The following SIDT1 variants were observed in gnomAD, a reference collection of about 807,000 sequenced individuals.
SIDT1 encodes the protein SID1 transmembrane family member 1, also known as SID1 transmembrane family, member 1.
Under a neutral mutation model 107.5 loss-of-function variants are expected in SIDT1, and 101 were observed. The ratio of observed to expected loss-of-function variants is 0.94; its 90% confidence interval spans 0.80 to 1.11. The LOEUF (loss-of-function observed/expected upper bound fraction) is 1.11, where lower values mean the gene tolerates loss of function less well. Ranked by LOEUF, SIDT1 falls within the 50% of genes least tolerant of loss-of-function variation. The pLI, the probability that SIDT1 is intolerant of heterozygous loss-of-function variation, is 0.00. For synonymous variants in SIDT1, 395 were observed against 398.2 expected (o/e 0.99, Z 0.10); for missense variants, 1,076 against 1,058.2 (o/e 1.02, Z -0.23).
intron 9 of SIDT1, among the ~76,000 whole-genome samples, chr3:113,588,364 TTAAC>T (rs1437290068): frequency 4.6e-5 from 7 of 152,344 alleles, no homozygotes; most frequent in Non-Finnish European, 7.3e-5. Flanking sequence ...TTTTCCTTCA[TTAAC>T]TAAGCAAAAT....
At chr3:113,603,206 T>C (rs1704067734) in intron 12 of SIDT1, 56 bp downstream of exon 12, 1 of 1,542,112 alleles carries the variant, frequency 6.5e-7, no homozygotes. Context: ...GGCAGTAGAA[T>C]AAACTTCAGC....
Position 113,623,450 on chromosome 3 carries a change from G to T in SIDT1, c.2114G>T (p.Arg705Leu). 2.5e-6 allele frequency: 4 copies of T among 1,613,822 alleles called. No individual in the cohort carries two copies. The highest frequency in any genetic ancestry group is 1.6e-4 in the Middle Eastern group (1 of 6,062). ...AGCGCCCTCTTTGGATTGATATACC[G>T]CCCCAGGGACTTTGCTTCCTACATG... ...WSFALFGLIY[R>L]PRDFASYMLG... Residue 705 changes from arginine (R) to leucine (L), a missense_variant, in exon 22 of 25, where the codon CGC becomes CTC. By Grantham distance (102) the Arg-to-Leu change is moderately radical (BLOSUM62 -2). Coordinates refer to ENST00000264852, the MANE Select transcript of SIDT1 (RefSeq NM_017699.3).
At position 113,541,143 on chromosome 3, in the gene SIDT1, T is replaced by TAC. The variant is rs34408872; in HGVS notation, c.222+7922_222+7923dup. Among the ~76,000 whole-genome samples, 759 of 147,744 alleles carry TAC rather than the reference T, an allele frequency of 5.1e-3. 12 individuals are homozygous for TAC. In the East Asian group the frequency reaches 0.058, roughly 11 times the overall value. On this transcript the variant is annotated intron_variant, in intron 1 of 24. Coordinates refer to ENST00000264852, the MANE Select transcript of SIDT1 (RefSeq NM_017699.3). Reference sequence around the variant, plus strand: ...ATATATATATATATATACACACACATACACACACACACACACACACACATA... The same window carrying TAC: ...ATATATATATATATATACACACACATACACACACACACACACACACACACATA...
chr3:113,540,803 T>G (rs1307637140), intron 1 of SIDT1, among the ~76,000 whole-genome samples: 1 of 152,158 alleles, frequency 6.6e-6, no homozygotes, highest in African/African-American at 2.4e-5. Flanking sequence ...TCTAATGGTT[T>G]CCTTTGTACT....
chr3:113,576,686 A>G (rs1942928117), intron 3 of SIDT1, among the ~76,000 whole-genome samples: 1 of 152,196 alleles, frequency 6.6e-6, no homozygotes, highest in Non-Finnish European at 1.5e-5. Flanking sequence ...GGATATTTAA[A>G]GATATAAAAA....
intron 1 of SIDT1, among the ~76,000 whole-genome samples, chr3:113,553,016 A>G (rs1940445490): frequency 6.6e-6 from 1 of 152,214 alleles, no homozygotes. Context: ...AGACATAGGC[A>G]GGAACCAAGA....
chr3:113,552,071 G>T (rs1489352198), intron 1 of SIDT1, among the ~76,000 whole-genome samples: 2 of 152,126 alleles, frequency 1.3e-5, no homozygotes, highest in African/African-American at 2.4e-5. Context: ...CTGCCCTTTT[G>T]TGAACAACGT....
intron 23 of SIDT1, 36 bp from the exon 24 acceptor site, chr3:113,626,066 G>A (rs1386750500): frequency 7.2e-7 from 1 of 1,387,100 alleles, no homozygotes; most frequent in African/African-American, 1.4e-5. Flanking sequence ...TTGAACTGTG[G>A]GAATCTTGCC....
At chr3:113,541,558 G>A (rs1938873137) in intron 1 of SIDT1, among the ~76,000 whole-genome samples, 1 of 152,194 alleles carries the variant, frequency 6.6e-6, no homozygotes, top group South Asian at 2.1e-4. Flanking sequence ...GGAATATTGG[G>A]TTGGTGCAAA....
chr3:113,573,423 TG>T (rs1221611586), intron 3 of SIDT1, among the ~76,000 whole-genome samples: 3 of 152,150 alleles, frequency 2.0e-5, no homozygotes, highest in African/African-American at 7.2e-5. Flanking sequence ...AACAAGGCTG[TG>T]GGTAACATTC....
intron 24 of SIDT1, among the ~76,000 whole-genome samples, chr3:113,626,730 C>T (rs1258717582): frequency 1.3e-5 from 2 of 152,122 alleles, no homozygotes; most frequent in African/African-American, 4.8e-5. Context: ...TTTTTTGCCC[C>T]AACCCTTTCT....
chr3:113,630,314 G>A (rs1947080348), downstream of SIDT1, among the ~76,000 whole-genome samples: 1 of 152,160 alleles, frequency 6.6e-6, no homozygotes, highest in African/African-American at 2.4e-5. Context: ...GACAAATGCT[G>A]GAGAAGCAGC....
intron 23 of SIDT1, 64 bp downstream of exon 23, chr3:113,623,797 T>C: frequency 1.9e-6 from 2 of 1,041,308 alleles, no homozygotes; most frequent in Non-Finnish European, 1.5e-6. Context: ...TTGGCCTTTC[T>C]ACCTCCCTCT....
At chr3:113,542,142 C>G (rs148724753) in intron 1 of SIDT1, among the ~76,000 whole-genome samples, 4,282 of 152,072 alleles carry the variant, frequency 0.028, 106 homozygotes, top group East Asian at 0.095. Context: ...AGGCTGTTCT[C>G]AAACTCCTGA....
chr3:113,544,133 A>G (rs772704604), intron 1 of SIDT1, among the ~76,000 whole-genome samples: 61 of 152,214 alleles, frequency 4.0e-4, no homozygotes, highest in Non-Finnish European at 7.5e-4. Context: ...CCAGGATCCA[A>G]TCCAAGAACA....
intron 14 of SIDT1, among the ~76,000 whole-genome samples, chr3:113,605,767 G>A (rs1310679548): frequency 6.6e-6 from 1 of 152,096 alleles, no homozygotes; most frequent in Non-Finnish European, 1.5e-5. Context: ...ACTTTGGGAG[G>A]CCTAGGCAGG....
chr3:113,626,043 ACT>A, intron 23 of SIDT1, 57 bp from the exon 24 acceptor site: 4 of 1,203,132 alleles, frequency 3.3e-6, no homozygotes, highest in Non-Finnish European at 4.9e-6. Flanking sequence ...TGGACGTTCA[ACT>A]CTTTGAACAG....
chr3:113,590,536 A>G (rs1944070850), intron 9 of SIDT1, among the ~76,000 whole-genome samples: 1 of 152,240 alleles, frequency 6.6e-6, no homozygotes, highest in Non-Finnish European at 1.5e-5. Flanking sequence ...ATTTTTTAGG[A>G]TATTCACTGT....
At chr3:113,618,879 C>T (rs373972199) in intron 20 of SIDT1, among the ~76,000 whole-genome samples, 1 of 152,190 alleles carries the variant, frequency 6.6e-6, no homozygotes, top group African/African-American at 2.4e-5. Flanking sequence ...GGCTGGAGTG[C>T]AGTGGCAAAA....
Sources: allele counts gnomAD v4.1 joint callset (sites outside exome capture counted in the v4.1 genomes callset), GRCh38; gene constraint gnomAD v4.1.1; transcripts MANE v1.5; gene names NCBI Gene and HGNC (gene_info 2026-07-23, HGNC 2026-07-21).